RUNX1: variants seen among roughly 807,000 people sequenced by gnomAD.
RUNX1 encodes runt-related transcription factor 1.
Under a neutral mutation model 42.8 loss-of-function variants are expected in RUNX1, and 19 were observed. The ratio of observed to expected loss-of-function variants is 0.44; its 90% CI spans 0.31 to 0.65. The LOEUF is 0.65. Among genes scored for constraint, RUNX1 ranks in the 30% least tolerant of loss-of-function variants. The pLI, the probability that RUNX1 is intolerant of heterozygous loss-of-function variation, is 0.07. For synonymous variants in RUNX1, 271 were observed against 289.4 expected (o/e 0.94, Z 0.64); for missense variants, 528 against 672.0 (o/e 0.79, Z 2.37).
chr21:34,860,273 T>G (rs1033949130), intron 5 of RUNX1, among the ~76,000 whole-genome samples: 5 of 152,218 alleles, frequency 3.3e-5, no homozygotes, highest in Non-Finnish European at 7.3e-5. Flanking sequence ...TTATAAAAGG[T>G]GAGAAAATCT....
intron 3 of RUNX1, chr21:34,888,618 G>A (rs2058032931): frequency 9.5e-7 from 1 of 1,056,926 alleles, no homozygotes. Flanking sequence ...GGCGGCGCAG[G>A]GCCGGGCAGC....
At chr21:34,980,935 T>C (rs1383379292) in intron 2 of RUNX1, among the ~76,000 whole-genome samples, 1 of 152,226 alleles carries the variant, frequency 6.6e-6, no homozygotes, top group Non-Finnish European at 1.5e-5. Flanking sequence ...AGTGAGTATT[T>C]CTACTGGAAG....
intron 6 of RUNX1, among the ~76,000 whole-genome samples, chr21:34,840,724 A>G (rs1344053656): frequency 6.6e-6 from 1 of 152,074 alleles, no homozygotes. Context: ...GGCCTGCTCT[A>G]TCTTTCTGTG....
chr21:34,877,167 C>T lies in RUNX1; in HGVS notation c.508+3390G>A, dbSNP rs923398905. Among the ~76,000 whole-genome samples the T allele has an allele frequency of 6.6e-5, 10 of 152,254 alleles. No homozygotes were observed. The East Asian group carries it at 1.7e-3, about 26-fold the overall frequency. On this transcript the variant is annotated intron_variant, in intron 5 of 8. Coordinates refer to ENST00000675419, the MANE Select transcript of RUNX1 (RefSeq NM_001754.5). Reference sequence around the variant, plus strand: ...AGCCACTGTGCCCGGATACCAATTGCTAAAATTTCTTAAATTTCTCTCAGC... The same window carrying T: ...AGCCACTGTGCCCGGATACCAATTGTTAAAATTTCTTAAATTTCTCTCAGC...
Position 34,791,139 on chromosome 21 carries a change from C to A in RUNX1, c.*996G>T. 4.3e-6 allele frequency: 1 copy of A among 233,632 alleles called. No homozygotes were observed. Among genetic ancestry groups the A allele is most frequent in the Non-Finnish European group, 8.5e-6 (1 of 118,022 alleles). The allele number at this position is 233,632 out of a possible 1,614,324, so 14.5% of individuals were successfully genotyped here. A position where few individuals can be genotyped will look rare whatever the true frequency, so the allele number is the denominator to read the frequency against. On this transcript the variant is annotated 3_prime_UTR_variant, in exon 9 of 9. Coordinates refer to ENST00000675419, the MANE Select transcript of RUNX1 (RefSeq NM_001754.5). ...ATTAAAAACGTTGCTGCGTGAGCTA[C>A]TCACTTGTTTGATTAACATGAAAGG... is the stretch of plus-strand genomic sequence containing the variant.
chr21:34,927,314 A>T (rs1334392014), intron 2 of RUNX1, among the ~76,000 whole-genome samples: 1 of 152,158 alleles, frequency 6.6e-6, no homozygotes, highest in African/African-American at 2.4e-5. Flanking sequence ...AATGCACAAG[A>T]CACCAAGCCA....
chr21:34,997,937 G>T (rs1179725930), intron 2 of RUNX1, among the ~76,000 whole-genome samples: 1 of 152,144 alleles, frequency 6.6e-6, no homozygotes, highest in Non-Finnish European at 1.5e-5. Context: ...AAGATGGGGT[G>T]GAAGGACCAG....
chr21:35,027,379 C>T (rs1307390162), intron 2 of RUNX1, among the ~76,000 whole-genome samples: 2 of 152,226 alleles, frequency 1.3e-5, no homozygotes, highest in Non-Finnish European at 2.9e-5. Flanking sequence ...TCAGATTCTG[C>T]ACTTCTAACA....
chr21:34,806,267 G>T (rs2056678312), intron 7 of RUNX1, among the ~76,000 whole-genome samples: 1 of 152,116 alleles, frequency 6.6e-6, no homozygotes, highest in African/African-American at 2.4e-5. Context: ...TATTTATACA[G>T]ATTACAAGTA....
chr21:35,038,164 C>T (rs2059323740), intron 2 of RUNX1, among the ~76,000 whole-genome samples: 1 of 152,138 alleles, frequency 6.6e-6, no homozygotes, highest in Admixed American at 6.5e-5. Flanking sequence ...AAACTTGGGG[C>T]TCCGTGAGGT....
intron 7 of RUNX1, among the ~76,000 whole-genome samples, chr21:34,832,213 G>A (rs2057073405): frequency 6.6e-6 from 1 of 152,210 alleles, no homozygotes; most frequent in Admixed American, 6.5e-5. Flanking sequence ...CCAAAGAGCT[G>A]ACGAATGCCC....
At chr21:35,042,463 T>A (rs2059365991) in intron 2 of RUNX1, among the ~76,000 whole-genome samples, 1 of 152,188 alleles carries the variant, frequency 6.6e-6, no homozygotes, top group Non-Finnish European at 1.5e-5. Context: ...GCTACCTTCC[T>A]CTCTGCTTCC....
At chr21:34,795,357 C>T (rs1451395248) in intron 8 of RUNX1, among the ~76,000 whole-genome samples, 1 of 152,148 alleles carries the variant, frequency 6.6e-6, no homozygotes, top group Non-Finnish European at 1.5e-5. Flanking sequence ...GCTCTCTCGT[C>T]TCTTCCACAC....
intron 8 of RUNX1, among the ~76,000 whole-genome samples, chr21:34,794,060 A>G (rs1655852561): frequency 6.6e-6 from 1 of 152,146 alleles, no homozygotes; most frequent in African/African-American, 2.4e-5. Flanking sequence ...CCTCTATTTG[A>G]TCAATATATT....
rs190031551 is a variant in RUNX1, at chr21:34,788,362, T to C, written c.*3773A>G. The C allele has an allele frequency of 4.7e-4, 110 of 233,288 alleles. No homozygotes were observed. In the East Asian group the frequency reaches 5.5e-3, roughly 12 times the overall value. 14.5% of individuals were successfully genotyped at this position (233,288 alleles called of 1,614,324 possible). Reference sequence around the variant, plus strand: ...CACAAATAACCAACAGTTCTTTTTCTTTTTTTGCACATTCATTTCCCCTAG... The same window carrying C: ...CACAAATAACCAACAGTTCTTTTTCCTTTTTTGCACATTCATTTCCCCTAG... On this transcript the variant is annotated 3_prime_UTR_variant, in exon 9 of 9. Transcript: ENST00000675419.
intron 2 of RUNX1, among the ~76,000 whole-genome samples, chr21:34,946,751 G>A (rs2058566087): frequency 6.6e-6 from 1 of 152,064 alleles, no homozygotes; most frequent in Non-Finnish European, 1.5e-5. Context: ...ACATGGATGG[G>A]GTGGCAGTCA....
chr21:34,988,994 ATCTC>A (rs905748186), intron 2 of RUNX1, among the ~76,000 whole-genome samples: 33 of 134,824 alleles, frequency 2.4e-4, no homozygotes, highest in East Asian at 8.2e-4. Context: ...GCTGGCCCAG[ATCTC>A]TCTCTCTCTC....
In RUNX1 at chr21:34,834,609, G is replaced by GGGGAGCA. The variant is rs540348804; in HGVS notation, c.614-15_614-9dup. On this transcript the variant is annotated splice_polypyrimidine_tract_variant and intron_variant, in intron 6 of 8. Transcript: ENST00000675419. ...CTAGTTTCTGCCGATGTCCTATTGT[G>GGGGAGCA]GGGAGCAGGGAGGGGAGGGGATGGG... is the stretch of plus-strand genomic sequence containing the variant. The GGGGAGCA allele has an allele frequency of 1.6e-5, 25 of 1,609,718 alleles. No individual in the cohort carries two copies. In the African/African-American group the frequency reaches 3.2e-4, roughly 21 times the overall value.
At chr21:34,861,402 T>C (rs994924377) in intron 5 of RUNX1, among the ~76,000 whole-genome samples, 1 of 152,052 alleles carries the variant, frequency 6.6e-6, no homozygotes, top group Non-Finnish European at 1.5e-5. Flanking sequence ...CCAGGAGCAA[T>C]GACAGCCACA....
Sources: gnomAD v4.1 joint callset for allele counts (sites outside exome capture counted in the v4.1 genomes callset) on GRCh38, gnomAD v4.1.1 for gene constraint, MANE v1.5 for transcripts, NCBI Gene and HGNC (gene_info 2026-07-23, HGNC 2026-07-21) for gene names.